SHROOM4: variants seen among roughly 807,000 people sequenced by gnomAD.
The protein encoded by SHROOM4 is protein Shroom4.
Under a neutral mutation model 80.3 loss-of-function variants are expected in SHROOM4, and 17 were observed. That is an observed-to-expected ratio of 0.21 (90% CI 0.14 to 0.32). The LOEUF is 0.32. SHROOM4 is among the 10% of genes least tolerant of loss of function. The pLI, the probability that SHROOM4 is intolerant of heterozygous loss-of-function variation, is 1.00. For missense variants in SHROOM4, 993 were observed against 1,140.3 expected (o/e 0.87, Z 1.86); for synonymous variants, 400 against 437.5 (o/e 0.91, Z 1.07).
At position 50,609,133 on chromosome X, in the gene SHROOM4, G is replaced by A. The variant is rs782124974; in HGVS notation, c.2958-949C>T. Among the ~76,000 whole-genome samples, 13 of 109,451 alleles carry A rather than the reference G, an allele frequency of 1.2e-4. No homozygotes were observed. The South Asian group carries it at 4.9e-3, about 41-fold the overall frequency. On this transcript the variant is annotated intron_variant, in intron 5 of 8. Coordinates refer to ENST00000376020, the MANE Select transcript of SHROOM4 (RefSeq NM_020717.5). ...TTTAATTAGCTGTGCATGATGGTGC[G>A]TGCCTTTAGTCCCAGCTACATGGGA...
chrX:50,753,658 T>C (rs1339470925), intron 1 of SHROOM4, among the ~76,000 whole-genome samples: 2 of 112,206 alleles, frequency 1.8e-5, no homozygotes, highest in African/African-American at 6.5e-5. Context: ...ATCTCATTAG[T>C]AACTTTTATA....
rs782023294 is a variant in SHROOM4 at position 50,691,179 on chromosome X, T to C, written c.269+4607A>G. Among the ~76,000 whole-genome samples, 467 of 111,851 alleles carry C rather than the reference T, an allele frequency of 4.2e-3. 1 individual carries two copies. The highest frequency in any genetic ancestry group is 6.8e-3 in the Non-Finnish European group (361 of 53,175). On this transcript the variant is annotated intron_variant, in intron 2 of 8. Coordinates refer to ENST00000376020, the MANE Select transcript of SHROOM4 (RefSeq NM_020717.5). ...TGTTAAACTCTCCCATACAGAAGTT[T>C]CTATCACTTTTTGTATAGCTGACAG...
chrX:50,738,098 T>G (rs1340745414), intron 1 of SHROOM4, among the ~76,000 whole-genome samples: 1 of 111,073 alleles, frequency 9.0e-6, no homozygotes, highest in Admixed American at 9.6e-5. Context: ...TCTTAATAGA[T>G]GCAGAAAAGG....
At chrX:50,602,503 G>C (rs1929474492) in intron 7 of SHROOM4, 130 bp downstream of exon 7, 1 of 629,006 alleles carries the variant, frequency 1.6e-6, no homozygotes, top group Admixed American at 2.5e-5. Context: ...GAAATCCAGA[G>C]AGGCTGTATG....
chrX:50,762,285 T>C lies in SHROOM4; in HGVS notation c.117+51617A>G, dbSNP rs1214109545. 5.3e-5 allele frequency among the ~76,000 whole-genome samples: 6 copies of C among 112,330 alleles called. 1 individual carries two copies. Among genetic ancestry groups the C allele is most frequent in the Admixed American group, 3.8e-4 (4 of 10,601 alleles). Reference sequence around the variant, plus strand: ...GCATTTGAGAGACTACCTGATGTCATTGTCTTGCTCCACTGCAACTTCCTT... The same window carrying C: ...GCATTTGAGAGACTACCTGATGTCACTGTCTTGCTCCACTGCAACTTCCTT... On this transcript the variant is annotated intron_variant, in intron 1 of 8. Transcript: ENST00000376020.
rs184126163 is a variant in SHROOM4 at position 50,735,304 on chromosome X, A to G, written c.118-39367T>C. Among the ~76,000 whole-genome samples the G allele has an allele frequency of 3.5e-3, 394 of 112,203 alleles. 1 individual carries two copies. Among genetic ancestry groups the G allele is most frequent in the Non-Finnish European group, 5.8e-3 (307 of 53,265 alleles). Reference sequence around the variant, plus strand: ...GCAAAAAGACTTAAACTGGATCCCTATGTCACACTGTATACAAAAATTCAC... The same window carrying G: ...GCAAAAAGACTTAAACTGGATCCCTGTGTCACACTGTATACAAAAATTCAC... On this transcript the variant is annotated intron_variant, in intron 1 of 8. Coordinates refer to ENST00000376020, the MANE Select transcript of SHROOM4 (RefSeq NM_020717.5).
chrX:50,648,416 T>C (rs781910253), intron 2 of SHROOM4, among the ~76,000 whole-genome samples: 1 of 112,110 alleles, frequency 8.9e-6, no homozygotes, highest in Non-Finnish European at 1.9e-5. Flanking sequence ...TTTACAGAGC[T>C]CCTCTATCTA....
At position 50,813,883 on chromosome X, in the gene SHROOM4, A is replaced by G; in HGVS notation, c.117+19T>C. ...ATTCAAAGTTAGGCGCCGTTAGGAC[A>G]TCAGCCGCCAGTTCTTACCTTAGAC... On this transcript the variant is annotated intron_variant, in intron 1 of 8. Coordinates refer to ENST00000376020, the MANE Select transcript of SHROOM4 (RefSeq NM_020717.5). The G allele has an allele frequency of 8.9e-7, 1 of 1,124,664 alleles. No homozygotes were observed. Among genetic ancestry groups the G allele is most frequent in the Non-Finnish European group, 1.2e-6 (1 of 817,758 alleles). The allele number at this position is 1,124,664 out of a possible 1,213,427, so 92.7% of individuals were successfully genotyped here.
chrX:50,780,585 T>A (rs1935605363), intron 1 of SHROOM4, among the ~76,000 whole-genome samples: 1 of 111,413 alleles, frequency 9.0e-6, no homozygotes, highest in Non-Finnish European at 1.9e-5. Context: ...ACTATATGGG[T>A]TAGTAGCAAC....
intron 1 of SHROOM4, among the ~76,000 whole-genome samples, chrX:50,725,715 A>C (rs1557265831): frequency 2.7e-5 from 3 of 112,640 alleles, no homozygotes; most frequent in Non-Finnish European, 5.6e-5. Flanking sequence ...AGGCCTACCC[A>C]GCCATGTGGA....
intron 1 of SHROOM4, among the ~76,000 whole-genome samples, chrX:50,709,530 C>A (rs1056033074): frequency 1.8e-5 from 2 of 112,002 alleles, no homozygotes; most frequent in Admixed American, 9.4e-5. Flanking sequence ...GGCCTAGATT[C>A]TTTCCCTGTA....
chrX:50,774,371 GA>G (rs1935461012), intron 1 of SHROOM4, among the ~76,000 whole-genome samples: 1 of 111,179 alleles, frequency 9.0e-6, no homozygotes, highest in South Asian at 3.8e-4. Context: ...TCTAATCTCA[GA>G]AAAAAACACC....
At chrX:50,803,428 C>A (rs1454712258) in intron 1 of SHROOM4, among the ~76,000 whole-genome samples, 1 of 111,916 alleles carries the variant, frequency 8.9e-6, no homozygotes, top group Non-Finnish European at 1.9e-5. Flanking sequence ...TGCTGTTAGT[C>A]AACACACTGT....
chrX:50,633,813 A>T lies in SHROOM4; in HGVS notation c.2260T>A (p.Leu754Met). ...CCAGCTTGAGCAGTAGAAGCCTTCA[A>T]TTCCTTGTTGTCACCTGGGTTGGAA... ...GPSNPGDNKE[L>M]KASTAQAGED... The change falls in exon 4 of 9, where the codon TTG (leucine) becomes ATG (methionine). Residue 754 changes from leucine to methionine, a missense_variant. Physicochemically the swap from Leu to Met is conservative, Grantham distance 15. Coordinates refer to ENST00000376020, the MANE Select transcript of SHROOM4 (RefSeq NM_020717.5). 1 of 1,212,273 alleles carries T rather than the reference A, an allele frequency of 8.2e-7. No individual in the cohort carries two copies. Among genetic ancestry groups the T allele is most frequent in the Non-Finnish European group, 1.1e-6 (1 of 895,642 alleles).
rs1313876842 is a variant in SHROOM4 at position 50,594,577 on chromosome X, C to G, written c.*2118G>C. The stretch of plus-strand genomic sequence containing the variant: ...CCGTTCTTTTCCCTAGGCCCATATT[C>G]CCAAAAAGGTGCTCTAGCCCACAAA... On this transcript the variant is annotated 3_prime_UTR_variant, in exon 9 of 9. Coordinates refer to ENST00000376020, the MANE Select transcript of SHROOM4 (RefSeq NM_020717.5). The G allele has an allele frequency of 2.7e-5, 3 of 111,549 alleles. No homozygotes were observed. The highest frequency in any genetic ancestry group is 9.8e-5 in the African/African-American group (3 of 30,674). 9.2% of individuals were successfully genotyped at this position (111,549 alleles called of 1,213,427 possible).
intron 2 of SHROOM4, among the ~76,000 whole-genome samples, chrX:50,656,159 A>C (rs1001153588): frequency 1.3e-4 from 15 of 111,276 alleles, no homozygotes; most frequent in Admixed American, 1.1e-3. Context: ...TTGGATATTA[A>C]CTCCTTATCA....
intron 1 of SHROOM4, among the ~76,000 whole-genome samples, chrX:50,734,587 T>C (rs1934440698): frequency 9.1e-6 from 1 of 110,423 alleles, no homozygotes; most frequent in Non-Finnish European, 1.9e-5. Flanking sequence ...CTAATTTTTG[T>C]AATTTTTAGT....
At chrX:50,627,450 C>CG (rs1319701778) in intron 5 of SHROOM4, among the ~76,000 whole-genome samples, 164 bp downstream of exon 5, 1 of 110,855 alleles carries the variant, frequency 9.0e-6, no homozygotes, top group Non-Finnish European at 1.9e-5. Flanking sequence ...TCTAGGAGTG[C>CG]GGGGGGCAGG....
In SHROOM4 at chrX:50,591,722, CTTTCTTTCTTTT is replaced by C; in HGVS notation, c.*4961_*4972del. The C allele has an allele frequency of 3.5e-6, 1 of 283,424 alleles. No individual in the cohort carries two copies. The highest frequency in any genetic ancestry group is 3.3e-5 in the South Asian group (1 of 30,198). 23.4% of individuals were successfully genotyped at this position (283,424 alleles called of 1,213,427 possible). ...TCTTTCTTTCTTTCTTTCTTTCTTT[CTTTCTTTCTTTT>C]TGAGACAAAGTCTCACTCTGTTGCC... On this transcript the variant is annotated 3_prime_UTR_variant, in exon 9 of 9. Transcript: ENST00000376020.
Sources: gnomAD v4.1 joint callset for allele counts (sites outside exome capture counted in the v4.1 genomes callset) on GRCh38, gnomAD v4.1.1 for gene constraint, MANE v1.5 for transcripts, NCBI Gene and HGNC (gene_info 2026-07-23, HGNC 2026-07-21) for gene names.